DSE: variants seen among roughly 807,000 people sequenced by gnomAD.
The protein encoded by DSE is dermatan-sulfate epimerase.
DSE carries 36 observed loss-of-function variants against 84.4 expected under a neutral mutation model. The ratio of observed to expected loss-of-function variants is 0.43; its 90% CI spans 0.33 to 0.56. DSE has a LOEUF of 0.56. DSE is among the 20% of genes least tolerant of loss of function. The probability of loss-of-function intolerance (pLI) is 0.06; values close to 1 mark genes in which losing one functional copy is unlikely to be tolerated. For missense variants in DSE, 862 were observed against 1,169.6 expected (o/e 0.74, Z 3.84); for synonymous variants, 410 against 430.1 (o/e 0.95, Z 0.58).
intron 2 of DSE, among the ~76,000 whole-genome samples, chr6:116,409,982 C>G (rs542958325): frequency 1.3e-5 from 2 of 152,024 alleles, no homozygotes; most frequent in Non-Finnish European, 2.9e-5. Flanking sequence ...AGGGAGGAAA[C>G]TAGCAAGTGT....
chr6:116,437,030 A>C lies in DSE; in HGVS notation c.2562A>C (p.Glu854Asp). 6.2e-7 allele frequency: 1 copy of C among 1,614,170 alleles called. No individual in the cohort carries two copies. Among genetic ancestry groups the C allele is most frequent in the Non-Finnish European group, 8.5e-7 (1 of 1,180,008 alleles). The change falls in exon 6 of 6, where the codon GAA becomes GAC. Residue 854 changes from glutamate to aspartate, a missense_variant. This residue lies in a region of DSE where 315 missense variants were observed against 348.1 expected (regional missense o/e 0.90). Transcript: ENST00000644252. Reference protein sequence around the residue: ...AQKELPIDEDEEMKDLLDFAD... With the variant: ...AQKELPIDEDDEMKDLLDFAD... Reference sequence around the variant, plus strand: ...AAGAACTACCCATAGATGAAGATGAAGAAATGAAAGACCTTTTAGATTTTG... The same window carrying C: ...AAGAACTACCCATAGATGAAGATGACGAAATGAAAGACCTTTTAGATTTTG...
Position 116,436,734 on chromosome 6 carries a change from C to G in DSE, c.2266C>G (p.Leu756Val), listed in dbSNP as rs1371878373. 1 of 1,614,148 alleles carries G rather than the reference C, an allele frequency of 6.2e-7. No homozygotes were observed. The highest frequency in any genetic ancestry group is 8.5e-7 in the Non-Finnish European group (1 of 1,180,020). ...LQHFKPVFQL[L>V]EKQILSRVRN... Reference sequence around the variant, plus strand: ...GCATTTTAAACCAGTGTTTCAGCTGCTGGAGAAGCAGATACTGTCCCGAGT... The same window carrying G: ...GCATTTTAAACCAGTGTTTCAGCTGGTGGAGAAGCAGATACTGTCCCGAGT... Residue 756 changes from leucine to valine, a missense_variant, in exon 6 of 6, where the codon CTG becomes GTG. Leu to Val is a conservative substitution (Grantham distance 32). Transcript: ENST00000644252.
At chr6:116,388,070 C>T (rs1780675283) in intron 1 of DSE, among the ~76,000 whole-genome samples, 2 of 152,138 alleles carry the variant, frequency 1.3e-5, no homozygotes, top group South Asian at 2.1e-4. Context: ...TCTACACCTA[C>T]ATCTGTTTAT....
chr6:116,293,278 C>CTTTTT (rs5879371), intron 2 of DSE, among the ~76,000 whole-genome samples: 1 of 144,300 alleles, frequency 6.9e-6, no homozygotes, highest in African/African-American at 2.5e-5. Context: ...TTCTTTTTTT[C>CTTTTT]TTTTTTTTTT....
At chr6:116,300,176 TC>T (rs1239856202) in intron 2 of DSE, among the ~76,000 whole-genome samples, 1 of 152,142 alleles carries the variant, frequency 6.6e-6, no homozygotes, top group Non-Finnish European at 1.5e-5. Context: ...AATTTGTACT[TC>T]CAGAGTTTGC....
At chr6:116,315,409 G>A (rs1775911286) in intron 2 of DSE, among the ~76,000 whole-genome samples, 1 of 151,682 alleles carries the variant, frequency 6.6e-6, no homozygotes, top group South Asian at 2.1e-4. Context: ...GAATGTAAAT[G>A]TCATAAGGGC....
At chr6:116,309,313 C>CACAT (rs145676578) in intron 2 of DSE, among the ~76,000 whole-genome samples, 72,415 of 150,130 alleles carry the variant, frequency 0.48, 20,024 homozygotes, top group Non-Finnish European at 0.64. Flanking sequence ...ATTTGGAATA[C>CACAT]ACATACATAC....
intron 2 of DSE, among the ~76,000 whole-genome samples, chr6:116,287,339 C>G (rs1403565851): frequency 6.6e-6 from 1 of 151,896 alleles, no homozygotes; most frequent in African/African-American, 2.4e-5. Flanking sequence ...TTTGCTTTTC[C>G]CTTTCCTTTC....
upstream of DSE, among the ~76,000 whole-genome samples, chr6:116,369,405 A>C (rs1324767288): frequency 2.0e-5 from 3 of 152,256 alleles, no homozygotes; most frequent in African/African-American, 7.2e-5. Flanking sequence ...GAATTAGTAT[A>C]TGTAAATCTC....
Position 116,399,302 on chromosome 6 carries a change from T to C in DSE, c.52T>C (p.Cys18Arg), listed in dbSNP as rs775115323. Residue 18 changes from cysteine (C) to arginine (R), a missense_variant, in exon 2 of 6, where the codon TGC becomes CGC. Coordinates refer to ENST00000644252, the MANE Select transcript of DSE (RefSeq NM_013352.4). The part of the protein sequence containing the change: ...APSVFFIYLL[C>R]FVSAYITDEN... ...CAGTGTGTTTTTCATATATTTGCTT[T>C]GCTTTGTGTCAGCCTACATCACCGA... The C allele has an allele frequency of 4.3e-6, 7 of 1,614,118 alleles. No individual in the cohort carries two copies. The South Asian group carries it at 5.5e-5, about 13-fold the overall frequency.
intron 2 of DSE, among the ~76,000 whole-genome samples, chr6:116,275,755 G>A (rs866280827): frequency 1.3e-5 from 2 of 150,546 alleles, no homozygotes; most frequent in African/African-American, 2.5e-5. Context: ...AGCCGAGATC[G>A]CGCCACTTGC....
At chr6:116,285,195 T>C (rs1203235198) in intron 2 of DSE, among the ~76,000 whole-genome samples, 1 of 152,226 alleles carries the variant, frequency 6.6e-6, no homozygotes, top group Non-Finnish European at 1.5e-5. Context: ...TTTGCTGACT[T>C]TTTAATGATC....
intron 2 of DSE, among the ~76,000 whole-genome samples, chr6:116,320,687 C>G (rs1776252825): frequency 6.6e-6 from 1 of 152,182 alleles, no homozygotes; most frequent in Admixed American, 6.5e-5. Flanking sequence ...GGTGGCCACT[C>G]TATTGCTGCC....
intron 2 of DSE, among the ~76,000 whole-genome samples, chr6:116,289,122 T>G (rs1028095057): frequency 1.3e-5 from 2 of 152,090 alleles, no homozygotes; most frequent in Admixed American, 6.6e-5. Flanking sequence ...ATGGGTCAAA[T>G]TCAGGAAGTG....
At chr6:116,347,446 T>C (rs201790272) in intron 2 of DSE, among the ~76,000 whole-genome samples, 28 of 149,020 alleles carry the variant, frequency 1.9e-4, no homozygotes, top group African/African-American at 2.2e-4. Flanking sequence ...AAAACAGAGA[T>C]ATAGACCAAT....
At chr6:116,336,755 C>CAAAAAAAA (rs55859612) in intron 2 of DSE, among the ~76,000 whole-genome samples, 1 of 130,100 alleles carries the variant, frequency 7.7e-6, no homozygotes, top group Non-Finnish European at 1.6e-5. Flanking sequence ...AACTCCATCT[C>CAAAAAAAA]AAAAAAAAAA....
At chr6:116,286,381 C>A (rs1344019385) in intron 2 of DSE, among the ~76,000 whole-genome samples, 2 of 152,094 alleles carry the variant, frequency 1.3e-5, no homozygotes, top group East Asian at 3.8e-4. Context: ...TTTCCCCTAT[C>A]CACAAGCATA....
chr6:116,338,695 C>A (rs919102514), intron 2 of DSE, among the ~76,000 whole-genome samples: 1 of 152,270 alleles, frequency 6.6e-6, no homozygotes, highest in East Asian at 1.9e-4. Flanking sequence ...GTTTTTGTTA[C>A]CTAATGTGCA....
At chr6:116,265,429 G>A (rs1772582505) in intron 2 of DSE, among the ~76,000 whole-genome samples, 1 of 152,142 alleles carries the variant, frequency 6.6e-6, no homozygotes, top group African/African-American at 2.4e-5. Context: ...AGCAGGGGGA[G>A]TGGAGTAGAC....
Sources: gnomAD v4.1 joint callset for allele counts (sites outside exome capture counted in the v4.1 genomes callset) on GRCh38, gnomAD v4.1.1 for gene constraint, gnomAD v4.1.1 regional missense constraint, MANE v1.5 for transcripts, NCBI Gene and HGNC (gene_info 2026-07-23, HGNC 2026-07-21) for gene names.